GABPB1: variants seen among roughly 807,000 people sequenced by gnomAD.
GABPB1 encodes GA-binding protein subunit beta-1.
In GABPB1, 15 loss-of-function variants were observed where a neutral mutation model predicts 45.9. That is an observed-to-expected ratio of 0.33 (90% CI 0.22 to 0.50). The LOEUF is 0.50. Ranked by LOEUF, GABPB1 falls within the 20% of genes least tolerant of loss-of-function variation. The pLI is 0.98. For synonymous variants in GABPB1, 143 were observed against 154.4 expected, an observed-to-expected ratio of 0.93 and a Z score of 0.55; for missense variants, 252 against 457.5, an observed-to-expected ratio of 0.55 and a Z score of 4.10.
At chr15:50,349,228 G>A (rs1413126086) in intron 1 of GABPB1, 1 of 151,908 alleles carries the variant, frequency 6.6e-6, no homozygotes, top group Admixed American at 6.6e-5. Context: ...ATATTGCACT[G>A]GACTCTATTG....
intron 1 of GABPB1, among the ~76,000 whole-genome samples, chr15:50,318,280 G>C (rs926825265): frequency 2.6e-5 from 4 of 152,060 alleles, no homozygotes; most frequent in African/African-American, 9.7e-5. Context: ...GAATCTGCTG[G>C]GATATAAAGG....
chr15:50,298,990 A>C (rs2046627187), intron 6 of GABPB1, among the ~76,000 whole-genome samples: 1 of 151,516 alleles, frequency 6.6e-6, no homozygotes, highest in Admixed American at 6.6e-5. Flanking sequence ...AAAGAAAAAG[A>C]GAAAAGAAAA....
At chr15:50,310,820 A>G (rs1257816602) in intron 1 of GABPB1, among the ~76,000 whole-genome samples, 2 of 152,066 alleles carry the variant, frequency 1.3e-5, no homozygotes, top group African/African-American at 4.8e-5. Flanking sequence ...TCTACTAAAA[A>G]TAAAAAATTG....
chr15:50,337,861 C>A (rs1446798838), intron 1 of GABPB1, among the ~76,000 whole-genome samples: 1 of 152,154 alleles, frequency 6.6e-6, no homozygotes, highest in African/African-American at 2.4e-5. Context: ...AAAACTACTA[C>A]ATTTATTTGC....
intron 1 of GABPB1, among the ~76,000 whole-genome samples, chr15:50,334,386 A>G (rs924450420): frequency 1.3e-5 from 2 of 151,662 alleles, no homozygotes; most frequent in Admixed American, 1.3e-4. Context: ...TCTATGCTAC[A>G]TTCTGGATGG....
Position 50,335,980 on chromosome 15 carries a change from C to G in GABPB1, c.-1+19005G>C, listed in dbSNP as rs190560872. Reference sequence around the variant, plus strand: ...CAAGATATATTTGGAAGTGACCTTCCTGATGTACAGCTGACCCTTTAACAA... The same window carrying G: ...CAAGATATATTTGGAAGTGACCTTCGTGATGTACAGCTGACCCTTTAACAA... On this transcript the variant is annotated intron_variant, in intron 1 of 8. Transcript: ENST00000380877. 9.1e-4 allele frequency among the ~76,000 whole-genome samples: 138 copies of G among 151,504 alleles called. 1 individual carries two copies. The highest frequency in any genetic ancestry group is 3.3e-3 in the African/African-American group (136 of 41,262).
At chr15:50,314,887 ACTTTG>A (rs2047261867) in intron 1 of GABPB1, among the ~76,000 whole-genome samples, 1 of 152,242 alleles carries the variant, frequency 6.6e-6, no homozygotes, top group African/African-American at 2.4e-5. Context: ...TGTCAATGCC[ACTTTG>A]GCATCTGCAT....
At chr15:50,292,198 C>T (rs2046369438) in intron 6 of GABPB1, among the ~76,000 whole-genome samples, 2 of 150,474 alleles carry the variant, frequency 1.3e-5, no homozygotes, top group Non-Finnish European at 1.5e-5. Flanking sequence ...CCTCTAGTCC[C>T]AGCTACTCGG....
intron 1 of GABPB1, among the ~76,000 whole-genome samples, chr15:50,319,665 G>T (rs1000089863): frequency 6.6e-6 from 1 of 151,836 alleles, no homozygotes; most frequent in Non-Finnish European, 1.5e-5. Context: ...ATGAAACCCC[G>T]TCTCTACTAA....
At chr15:50,286,673 A>C (rs991653806) in intron 7 of GABPB1, among the ~76,000 whole-genome samples, 3 of 152,140 alleles carry the variant, frequency 2.0e-5, no homozygotes, top group African/African-American at 7.2e-5. Context: ...ACATCACTAC[A>C]TAGAGAGCTT....
chr15:50,354,234 G>A (rs981531693), intron 1 of GABPB1: 8 of 351,906 alleles, frequency 2.3e-5, no homozygotes, highest in Admixed American at 1.9e-4. Flanking sequence ...CCCTGAGGCA[G>A]TGCACCCGCA....
chr15:50,331,478 G>A (rs1210457332), intron 1 of GABPB1, among the ~76,000 whole-genome samples: 3 of 152,158 alleles, frequency 2.0e-5, no homozygotes, highest in Non-Finnish European at 2.9e-5. Context: ...TATGTTAAGC[G>A]CCCTGAGCTA....
intron 1 of GABPB1, among the ~76,000 whole-genome samples, chr15:50,319,673 T>C (rs1170830522): frequency 2.0e-5 from 3 of 151,922 alleles, no homozygotes; most frequent in South Asian, 2.1e-4. Context: ...CCGTCTCTAC[T>C]AAAAATACAA....
At chr15:50,280,124 G>T (rs986282116) in intron 8 of GABPB1, among the ~76,000 whole-genome samples, 1 of 152,042 alleles carries the variant, frequency 6.6e-6, no homozygotes, top group Non-Finnish European at 1.5e-5. Flanking sequence ...GGAGACAAAA[G>T]ATCTCCAAAT....
chr15:50,308,464 G>A (rs563557804), intron 2 of GABPB1, among the ~76,000 whole-genome samples: 46 of 152,258 alleles, frequency 3.0e-4, no homozygotes, highest in African/African-American at 9.6e-4. Context: ...GCAGCATCAC[G>A]GCAACAGGGG....
chr15:50,276,231 CTTTTAT>C lies in GABPB1; in HGVS notation c.*2395_*2400del, dbSNP rs1296956724. On this transcript the variant is annotated 3_prime_UTR_variant, in exon 9 of 9. Transcript: ENST00000380877. ...TTTCTGAAAACTTTTATTTCATATA[CTTTTAT>C]TTTTGTCAGTTCTTTAAATCCTCTG... The C allele has an allele frequency of 1.3e-5, 2 of 152,292 alleles. No individual in the cohort carries two copies. The highest frequency in any genetic ancestry group is 6.5e-5 in the Admixed American group (1 of 15,302). The allele number at this position is 152,292 out of a possible 1,614,324, so 9.4% of individuals were successfully genotyped here.
intron 1 of GABPB1, among the ~76,000 whole-genome samples, chr15:50,310,976 A>C (rs1396154481): frequency 4.9e-5 from 1 of 20,352 alleles, no homozygotes; most frequent in Non-Finnish European, 9.2e-5. Flanking sequence ...ACTCTGTCTC[A>C]AAAAAAAAAA....
In GABPB1 at chr15:50,277,075, T is replaced by A. The variant is rs974721282; in HGVS notation, c.*1557A>T. The A allele has an allele frequency of 6.6e-6, 1 of 152,190 alleles. No homozygotes were observed. The highest frequency in any genetic ancestry group is 1.9e-4 in the East Asian group (1 of 5,202). The allele number at this position is 152,190 out of a possible 1,614,324, so 9.4% of individuals were successfully genotyped here. Reference sequence around the variant, plus strand: ...ACAGACCATAGACCCCTTTATTACATTAACAAATATACTGGTAATTCCAGT... The same window carrying A: ...ACAGACCATAGACCCCTTTATTACAATAACAAATATACTGGTAATTCCAGT... On this transcript the variant is annotated 3_prime_UTR_variant, in exon 9 of 9. Transcript: ENST00000380877.
chr15:50,287,688 C>T (rs1316896922), intron 7 of GABPB1, among the ~76,000 whole-genome samples: 4 of 152,124 alleles, frequency 2.6e-5, no homozygotes, highest in East Asian at 3.9e-4. Flanking sequence ...TATAATGATA[C>T]GGGTTTTGGA....
Sources: allele counts gnomAD v4.1 joint callset (sites outside exome capture counted in the v4.1 genomes callset), GRCh38; gene constraint gnomAD v4.1.1; transcripts MANE v1.5; gene names NCBI Gene and HGNC (gene_info 2026-07-23, HGNC 2026-07-21).